C16orf96: variants seen among roughly 807,000 people sequenced by gnomAD.
C16orf96 encodes the protein uncharacterized protein C16orf96.
C16orf96 carries 108 observed loss-of-function variants against 103.6 expected under a neutral mutation model. The ratio of observed to expected loss-of-function variants is 1.04; its 90% CI spans 0.89 to 1.22. C16orf96 has a LOEUF of 1.22. C16orf96 is among the 50% of genes most tolerant of loss of function. The pLI is 0.00. For missense variants in C16orf96, 1,586 were observed against 1,464.2 expected, an observed-to-expected ratio of 1.08 and a Z score of -1.36; for synonymous variants, 566 against 593.5, an observed-to-expected ratio of 0.95 and a Z score of 0.67.
At position 4,594,685 on chromosome 16, in the gene C16orf96, G is replaced by A; in HGVS notation, c.3028-19G>A. 6.4e-7 allele frequency: 1 copy of A among 1,550,874 alleles called. No homozygotes were observed. The highest frequency in any genetic ancestry group is 8.7e-7 in the Non-Finnish European group (1 of 1,146,666). On this transcript the variant is annotated intron_variant, in intron 13 of 15. Coordinates refer to ENST00000444310, the MANE Select transcript of C16orf96 (RefSeq NM_001145011.2). ...TCGGGTCGGGGGCTCCCTAACCCGG[G>A]ACCTGGGCCATCCAACAGGCCGAGG...
intron 3 of C16orf96, 43 bp from the exon 4 acceptor site, chr16:4,574,929 C>T (rs771124202): frequency 6.5e-6 from 10 of 1,539,044 alleles, no homozygotes; most frequent in Non-Finnish European, 8.8e-6. Context: ...GGACACTGCC[C>T]CCTCCAGGCT....
At chr16:4,543,055 G>A in the C16orf96 span, among the ~76,000 whole-genome samples, 6 of 152,166 alleles carry the variant, frequency 3.9e-5, no homozygotes, top group Admixed American at 2.0e-4. Flanking sequence ...TGTCCTCAAA[G>A]CGCACACAGT....
chr16:4,571,028 CAAAA>C (rs968744079), intron 1 of C16orf96, among the ~76,000 whole-genome samples: 9 of 151,776 alleles, frequency 5.9e-5, no homozygotes, highest in African/African-American at 2.2e-4. Flanking sequence ...AAAACAAAAA[CAAAA>C]AAAATTAGCT....
chr16:4,565,313 G>A (rs1281734920), intron 1 of C16orf96, among the ~76,000 whole-genome samples: 3 of 152,114 alleles, frequency 2.0e-5, no homozygotes, highest in South Asian at 2.1e-4. Context: ...GTCACCCTGG[G>A]CAGAAAAAAG....
intron 1 of C16orf96, among the ~76,000 whole-genome samples, chr16:4,568,983 CTTGTGTGACTTACTCAGA>C (rs1390333015): frequency 6.6e-6 from 1 of 151,912 alleles, no homozygotes; most frequent in Admixed American, 6.6e-5. Context: ...CTTACTCCAT[CTTGTGTGACTTACTCAGA>C]TGGAGTCACA....
chr16:4,549,456 G>A, the C16orf96 span, among the ~76,000 whole-genome samples: 2 of 140,652 alleles, frequency 1.4e-5, no homozygotes, highest in African/African-American at 5.4e-5. Context: ...CTGGGCGACA[G>A]AGCAAGACTC....
chr16:4,588,173 G>T lies in C16orf96; in HGVS notation c.2434G>T (p.Asp812Tyr), dbSNP rs1364357205. 1 of 1,551,096 alleles carries T rather than the reference G, an allele frequency of 6.4e-7. No homozygotes were observed. The highest frequency in any genetic ancestry group is 1.2e-5 in the South Asian group (1 of 84,014). ...GAACTCCCTGTCTCCCTAGAAAGCT[G>T]ACAGGAGTGCCCTGGCAGGCAAGGC... ...TMEEELREKA[D>Y]RSALAGKASR... The change falls in exon 9 of 16, where the codon GAC becomes TAC. Residue 812 changes from aspartate (D) to tyrosine (Y), a missense_variant. Transcript: ENST00000444310.
At chr16:4,567,476 C>T (rs552976083) in intron 1 of C16orf96, among the ~76,000 whole-genome samples, 11 of 150,406 alleles carry the variant, frequency 7.3e-5, no homozygotes, top group African/African-American at 2.4e-4. Context: ...TTAGTAGAGA[C>T]GGGGTTTCAC....
At chr16:4,590,023 G>C (rs1237154420) in intron 9 of C16orf96, among the ~76,000 whole-genome samples, 3 of 152,106 alleles carry the variant, frequency 2.0e-5, no homozygotes, top group Admixed American at 2.0e-4. Flanking sequence ...CTACTTGGGA[G>C]GCTGAGGCAG....
chr16:4,594,547 C>T (rs769616831), intron 13 of C16orf96, 37 bp downstream of exon 13: 16 of 1,545,418 alleles, frequency 1.0e-5, no homozygotes, highest in Admixed American at 7.9e-5. Flanking sequence ...AGAGGGTGGA[C>T]GTCAGCGCAC....
In C16orf96 at chr16:4,594,379, C is replaced by T. The variant is rs1018639251; in HGVS notation, c.2896C>T (p.Leu966Phe). 3.9e-6 allele frequency: 6 copies of T among 1,549,422 alleles called. No homozygotes were observed. The highest frequency in any genetic ancestry group is 1.2e-5 in the South Asian group (1 of 84,062). ...REQQWLQLQD[L>F]GIQEDCQQDW... ...ACAGCAGTGGCTGCAGCTCCAGGAC[C>T]TCGGTATCCAGGAGGATTGTCAGCA... Residue 966 changes from leucine to phenylalanine, a missense_variant, in exon 13 of 16, where the codon CTC (leucine) becomes TTC (phenylalanine). Coordinates refer to ENST00000444310, the MANE Select transcript of C16orf96 (RefSeq NM_001145011.2).
chr16:4,591,839 G>A lies in C16orf96; in HGVS notation c.2711+55G>A, dbSNP rs1017968431. 7.6e-6 allele frequency: 10 copies of A among 1,319,896 alleles called. No homozygotes were observed. In the African/African-American group the frequency reaches 8.8e-5, roughly 12 times the overall value. 81.8% of individuals were successfully genotyped at this position (1,319,896 alleles called of 1,614,324 possible). ...GGGGTCCTGCTGCCCAGGCTGTGGG[G>A]AACACACCCTGGAAGCTCTGGGAGG... On this transcript the variant is annotated intron_variant, in intron 10 of 15. Coordinates refer to ENST00000444310, the MANE Select transcript of C16orf96 (RefSeq NM_001145011.2).
At chr16:4,572,168 C>A (rs1280635051) in intron 2 of C16orf96, among the ~76,000 whole-genome samples, 1 of 151,822 alleles carries the variant, frequency 6.6e-6, no homozygotes, top group Non-Finnish European at 1.5e-5. Context: ...TGCTTTCTAC[C>A]CCAGTGTGTT....
chr16:4,570,108 T>A (rs960594738), intron 1 of C16orf96, among the ~76,000 whole-genome samples: 13 of 30,828 alleles, frequency 4.2e-4, no homozygotes, highest in Admixed American at 2.4e-3. Context: ...AAGCTAGAAC[T>A]TTTTTATTTT....
intron 6 of C16orf96, among the ~76,000 whole-genome samples, chr16:4,579,813 GT>G (rs1304391737): frequency 6.6e-6 from 1 of 152,090 alleles, no homozygotes; most frequent in Non-Finnish European, 1.5e-5. Context: ...GTTTCGCCGT[GT>G]TGGGCAGGCT....
chr16:4,549,328 C>G, the C16orf96 span, among the ~76,000 whole-genome samples: 1 of 151,806 alleles, frequency 6.6e-6, no homozygotes, highest in Non-Finnish European at 1.5e-5. Flanking sequence ...GAAAAATTAG[C>G]CAGGCGTGGT....
intron 3 of C16orf96, 48 bp downstream of exon 3, chr16:4,574,837 A>C (rs2141718773): frequency 6.5e-7 from 1 of 1,539,942 alleles, no homozygotes. Context: ...GGGACCCCCC[A>C]ACCTCCCGGG....
chr16:4,580,419 C>A (rs149383949), intron 7 of C16orf96, among the ~76,000 whole-genome samples: 2 of 150,534 alleles, frequency 1.3e-5, no homozygotes, highest in Non-Finnish European at 2.9e-5. Context: ...ATCACATTTG[C>A]TGAATGACTC....
the C16orf96 span, among the ~76,000 whole-genome samples, chr16:4,542,461 A>T: frequency 1.3e-5 from 2 of 152,252 alleles, no homozygotes; most frequent in Admixed American, 6.5e-5. Flanking sequence ...TTAATAATAC[A>T]TTTAACTCAA....
Sources: allele counts gnomAD v4.1 joint callset (sites outside exome capture counted in the v4.1 genomes callset), GRCh38; gene constraint gnomAD v4.1.1; transcripts MANE v1.5; gene names NCBI Gene and HGNC (gene_info 2026-07-23, HGNC 2026-07-21).